The following TLN2 variants were observed in gnomAD, a reference collection of about 807,000 sequenced individuals.
TLN2 encodes the protein talin-2.
A neutral mutation model predicts 294.7 loss-of-function variants in TLN2; 118 were observed. The observed-to-expected ratio is 0.40, with a 90% confidence interval of 0.34 to 0.47. The LOEUF (loss-of-function observed/expected upper bound fraction) is 0.47. Ranked by LOEUF, TLN2 falls within the 20% of genes least tolerant of loss-of-function variation. The pLI is 0.84. For synonymous variants in TLN2, 1,431 were observed against 1,304.5 expected (o/e 1.10, Z -2.09); for missense variants, 3,083 against 3,282.2 (o/e 0.94, Z 1.48).
intron 14 of TLN2, among the ~76,000 whole-genome samples, chr15:62,696,562 G>A (rs1399170357): frequency 1.3e-5 from 2 of 152,102 alleles, no homozygotes; most frequent in Non-Finnish European, 2.9e-5. Flanking sequence ...CAGAAAATTA[G>A]CCAGGTGTGG....
intron 7 of TLN2, among the ~76,000 whole-genome samples, chr15:62,654,824 C>T (rs753002638): frequency 5.4e-5 from 8 of 147,342 alleles, no homozygotes; most frequent in Non-Finnish European, 8.9e-5. Flanking sequence ...TCTACAGCCA[C>T]ACAGTTAATA....
intron 1 of TLN2, among the ~76,000 whole-genome samples, chr15:62,585,037 G>T (rs779090987): frequency 6.6e-6 from 1 of 152,184 alleles, no homozygotes; most frequent in Non-Finnish European, 1.5e-5. Flanking sequence ...GGCAAAGCCT[G>T]AGTGTGGTGT....
At chr15:62,409,442 G>C (rs1182776807) in intron 1 of TLN2, among the ~76,000 whole-genome samples, 1 of 152,068 alleles carries the variant, frequency 6.6e-6, no homozygotes, top group Non-Finnish European at 1.5e-5. Flanking sequence ...CTGTTGCAGG[G>C]TCTCATTCTG....
chr15:62,403,113 C>G (rs1321754197), intron 1 of TLN2, among the ~76,000 whole-genome samples: 4 of 151,890 alleles, frequency 2.6e-5, no homozygotes, highest in Non-Finnish European at 5.9e-5. Flanking sequence ...TGGCGTGTGC[C>G]TGTAGTCCCA....
chr15:62,651,696 G>C (rs978958085), intron 5 of TLN2, among the ~76,000 whole-genome samples: 1 of 152,112 alleles, frequency 6.6e-6, no homozygotes, highest in African/African-American at 2.4e-5. Context: ...AGAACGTATG[G>C]AATAAGATAG....
intron 2 of TLN2, among the ~76,000 whole-genome samples, chr15:62,613,317 A>G (rs1341623669): frequency 6.6e-6 from 1 of 152,236 alleles, no homozygotes; most frequent in Non-Finnish European, 1.5e-5. Context: ...AATTAAAAAT[A>G]CACCTTTGTA....
intron 11 of TLN2, among the ~76,000 whole-genome samples, chr15:62,680,597 T>C (rs1430269657): frequency 1.3e-5 from 2 of 151,624 alleles, no homozygotes; most frequent in Non-Finnish European, 2.9e-5. Context: ...TTTTTTTCAA[T>C]AGCTTTTGGG....
chr15:62,432,999 G>A (rs1045868205), intron 1 of TLN2, among the ~76,000 whole-genome samples: 1 of 152,132 alleles, frequency 6.6e-6, no homozygotes, highest in Non-Finnish European at 1.5e-5. Context: ...CACAGCATAT[G>A]CCACTTGGTT....
chr15:62,450,549 G>A (rs1311548218), intron 1 of TLN2, among the ~76,000 whole-genome samples: 3 of 36,128 alleles, frequency 8.3e-5, no homozygotes, highest in African/African-American at 3.0e-4. Context: ...ATGTATGTAT[G>A]TGTGTGTGTG....
At chr15:62,805,152 C>G (rs1376449266) in intron 50 of TLN2, among the ~76,000 whole-genome samples, 2 of 151,974 alleles carry the variant, frequency 1.3e-5, no homozygotes, top group Admixed American at 1.3e-4. Context: ...CACATCCTCT[C>G]AGAGAGAGAG....
At chr15:62,701,657 C>T (rs1227273890) in intron 17 of TLN2, among the ~76,000 whole-genome samples, 2 of 152,172 alleles carry the variant, frequency 1.3e-5, no homozygotes, top group Non-Finnish European at 2.9e-5. Context: ...TGGGAACTTG[C>T]TTGTTTCACC....
intron 51 of TLN2, among the ~76,000 whole-genome samples, chr15:62,806,559 C>T (rs562025566): frequency 1.3e-3 from 203 of 152,330 alleles, no homozygotes; most frequent in African/African-American, 4.8e-3. Context: ...CTGCTTTTCA[C>T]AGTCTGTGCT....
intron 1 of TLN2, among the ~76,000 whole-genome samples, chr15:62,399,396 C>T (rs2032847173): frequency 6.6e-6 from 1 of 151,836 alleles, no homozygotes; most frequent in Non-Finnish European, 1.5e-5. Flanking sequence ...AACCCCCACA[C>T]AGAGTCCCCA....
chr15:62,587,225 AGAG>A (rs2045683108), intron 1 of TLN2, among the ~76,000 whole-genome samples: 1 of 152,072 alleles, frequency 6.6e-6, no homozygotes, highest in Admixed American at 6.5e-5. Flanking sequence ...AAATTGTGAC[AGAG>A]AAGGAGAGTG....
At position 62,839,999 on chromosome 15, in the gene TLN2, G is replaced by A. The variant is rs145924273; in HGVS notation, c.7501-483G>A. The stretch of plus-strand genomic sequence containing the variant: ...CTTCCTCAGATCACACCTTGAAAGC[G>A]TGAAATAAGCATTTGAGGGCCATCT... On this transcript the variant is annotated intron_variant, in intron 58 of 58. Coordinates refer to ENST00000636159, the MANE Select transcript of TLN2 (RefSeq NM_015059.3). Among the ~76,000 whole-genome samples the A allele has an allele frequency of 5.3e-5, 8 of 152,276 alleles. No individual in the cohort carries two copies. In the East Asian group the frequency reaches 5.8e-4, roughly 11 times the overall value.
rs1258632542 is a variant in TLN2, at chr15:62,842,398, A to T, written c.*1788A>T. The stretch of plus-strand genomic sequence containing the variant: ...TTGAGTGGAGCTGATCCAACACCTC[A>T]TGCCTGCCTTGGCCGGACACTGAGA... On this transcript the variant is annotated 3_prime_UTR_variant, in exon 59 of 59. Coordinates refer to ENST00000636159, the MANE Select transcript of TLN2 (RefSeq NM_015059.3). The T allele has an allele frequency of 6.6e-6, 1 of 152,200 alleles. No individual in the cohort carries two copies. Among genetic ancestry groups the T allele is most frequent in the Non-Finnish European group, 1.5e-5 (1 of 68,110 alleles). 9.4% of individuals were successfully genotyped at this position (152,200 alleles called of 1,614,324 possible). A position where few individuals can be genotyped will look rare whatever the true frequency, so the allele number is the denominator to read the frequency against.
chr15:62,757,528 C>T (rs1047256046), intron 37 of TLN2, among the ~76,000 whole-genome samples: 1 of 152,118 alleles, frequency 6.6e-6, no homozygotes, highest in Non-Finnish European at 1.5e-5. Context: ...TTTCTGGAGC[C>T]CTTTCTTGTC....
At chr15:62,671,543 T>TC (rs1433458881) in intron 9 of TLN2, among the ~76,000 whole-genome samples, 3 of 152,316 alleles carry the variant, frequency 2.0e-5, no homozygotes, top group African/African-American at 7.2e-5. Context: ...AAGTATTCTT[T>TC]CCCCACTGAA....
chr15:62,694,480 C>G, intron 14 of TLN2, 88 bp downstream of exon 14: 1 of 1,055,318 alleles, frequency 9.5e-7, no homozygotes, highest in Non-Finnish European at 1.5e-6. Flanking sequence ...TGCTCTGAAG[C>G]CTGTCACCTG....
Sources: allele counts gnomAD v4.1 joint callset (sites outside exome capture counted in the v4.1 genomes callset), GRCh38; gene constraint gnomAD v4.1.1; transcripts MANE v1.5; gene names NCBI Gene and HGNC (gene_info 2026-07-23, HGNC 2026-07-21).